The following FNBP4 variants were observed in gnomAD, a reference collection of about 807,000 sequenced individuals.
FNBP4 encodes the protein formin binding protein 4, also known as formin-binding protein 4.
FNBP4 carries 34 observed loss-of-function variants against 119.3 expected under a neutral mutation model. The observed-to-expected ratio is 0.28, with a 90% CI of 0.22 to 0.38. The LOEUF is 0.38. FNBP4 is among the 10% of genes least tolerant of loss of function. FNBP4 has a pLI of 1.00. For missense variants in FNBP4, 1,112 were observed against 1,228.9 expected, an observed-to-expected ratio of 0.90 and a Z score of 1.42; for synonymous variants, 462 against 430.6, an observed-to-expected ratio of 1.07 and a Z score of -0.90.
chr11:47,730,005 A>C, intron 12 of FNBP4: 1 of 985,472 alleles, frequency 1.0e-6, no homozygotes, highest in Non-Finnish European at 1.2e-6. Flanking sequence ...CTTTTACCAG[A>C]CAGTATCAAC....
intron 12 of FNBP4, among the ~76,000 whole-genome samples, chr11:47,727,466 G>T (rs2097562449): frequency 6.6e-6 from 1 of 152,042 alleles, no homozygotes; most frequent in Non-Finnish European, 1.5e-5. Flanking sequence ...GGCCAGGCTG[G>T]TCTCAAACTC....
chr11:47,729,732 T>G, intron 12 of FNBP4: 1 of 985,444 alleles, frequency 1.0e-6, no homozygotes, highest in South Asian at 4.7e-5. Flanking sequence ...TTTTGTTTTT[T>G]CTCTTCTTTA....
intron 2 of FNBP4, among the ~76,000 whole-genome samples, chr11:47,759,808 C>G (rs2097629202): frequency 6.6e-6 from 1 of 152,034 alleles, no homozygotes; most frequent in African/African-American, 2.4e-5. Context: ...AGAAAAGGAG[C>G]TGGGCGTGGT....
intron 12 of FNBP4, chr11:47,728,995 G>C (rs1227997270): frequency 5.3e-6 from 1 of 189,638 alleles, no homozygotes; most frequent in African/African-American, 2.4e-5. Context: ...GGGATTACAG[G>C]CAGCTGCCAC....
At chr11:47,731,037 AT>A (rs2097566794) in intron 12 of FNBP4, among the ~76,000 whole-genome samples, 1 of 152,216 alleles carries the variant, frequency 6.6e-6, no homozygotes, top group African/African-American at 2.4e-5. Flanking sequence ...TGCCACATAT[AT>A]TGACAGTTCA....
At chr11:47,725,776 G>A in intron 12 of FNBP4, 1 of 982,726 alleles carries the variant, frequency 1.0e-6, no homozygotes. Flanking sequence ...CAATAGGGAA[G>A]TTTCACAATA....
At chr11:47,761,222 T>C (rs1027078264) in intron 2 of FNBP4, among the ~76,000 whole-genome samples, 22 of 152,222 alleles carry the variant, frequency 1.4e-4, no homozygotes, top group African/African-American at 4.8e-4. Flanking sequence ...ATACAGTGTA[T>C]ATACTGTTAA....
At chr11:47,744,986 A>G (rs1237143051) in intron 7 of FNBP4, among the ~76,000 whole-genome samples, 5 of 152,218 alleles carry the variant, frequency 3.3e-5, no homozygotes, top group African/African-American at 1.2e-4. Context: ...TTTCATTTTA[A>G]TATGGACATT....
intron 11 of FNBP4, 87 bp from the exon 12 acceptor site, chr11:47,731,648 T>C: frequency 6.6e-7 from 1 of 1,514,900 alleles, no homozygotes; most frequent in Admixed American, 2.3e-5. Context: ...GACAGCAGTC[T>C]GCTTTCACAG....
intron 16 of FNBP4, among the ~76,000 whole-genome samples, chr11:47,718,201 C>T (rs1416844834): frequency 1.3e-5 from 2 of 151,684 alleles, no homozygotes; most frequent in East Asian, 3.9e-4. Flanking sequence ...CAACAGGGAC[C>T]CTGGGATCTA....
intron 10 of FNBP4, 24 bp downstream of exon 10, chr11:47,734,000 CA>C (rs79199646): frequency 0.16 from 139,320 of 872,164 alleles, 4 homozygotes; most frequent in Middle Eastern, 0.2. Flanking sequence ...CTGTTTATGC[CA>C]AAAAAAAAAA....
At chr11:47,721,801 C>A (rs1283414704) in intron 15 of FNBP4, among the ~76,000 whole-genome samples, 1 of 150,962 alleles carries the variant, frequency 6.6e-6, no homozygotes, top group East Asian at 1.9e-4. Flanking sequence ...ATATAAATTT[C>A]CTTTAACCTC....
Position 47,723,272 on chromosome 11 carries a change from G to A in FNBP4, c.2509C>T (p.His837Tyr). The A allele has an allele frequency of 1.2e-6, 2 of 1,613,470 alleles. No individual in the cohort carries two copies. The highest frequency in any genetic ancestry group is 8.5e-7 in the Non-Finnish European group (1 of 1,179,498). The change falls in exon 15 of 17, where the codon CAT (histidine) becomes TAT (tyrosine). Residue 837 changes from histidine (H) to tyrosine (Y), a missense_variant. Physicochemically the swap from His to Tyr is moderately conservative, Grantham distance 83. This residue lies in a region of FNBP4 where 826 missense variants were observed against 988.8 expected (regional missense o/e 0.84). Coordinates refer to ENST00000263773, the MANE Select transcript of FNBP4 (RefSeq NM_015308.5). ...GIGNQATGIG[H>Y]QTIPVSLPAA... Reference sequence around the variant, plus strand: ...GGAAGGCTAACTGGTATTGTCTGATGTCCAATTCCTGTTGCCTGGTTTCCA... The same window carrying A: ...GGAAGGCTAACTGGTATTGTCTGATATCCAATTCCTGTTGCCTGGTTTCCA...
intron 16 of FNBP4, among the ~76,000 whole-genome samples, chr11:47,719,619 A>C (rs995436888): frequency 6.9e-6 from 1 of 144,898 alleles, no homozygotes; most frequent in Non-Finnish European, 1.5e-5. Context: ...TGTGTGTATA[A>C]AAGGGTCCAC....
At chr11:47,725,736 C>T in intron 12 of FNBP4, 1 of 951,742 alleles carries the variant, frequency 1.1e-6, no homozygotes, top group Non-Finnish European at 1.3e-6. Flanking sequence ...GATATACTTA[C>T]TTGTAGCCTT....
chr11:47,722,060 A>G (rs2097556352), intron 15 of FNBP4, among the ~76,000 whole-genome samples: 1 of 104,300 alleles, frequency 9.6e-6, no homozygotes, highest in Non-Finnish European at 1.9e-5. Context: ...AAAAGGAAAA[A>G]AAAATATTTC....
In FNBP4 at chr11:47,734,989, C is replaced by CCCCA. The variant is rs375037624; in HGVS notation, c.1582-861_1582-860insTGGG. Among the ~76,000 whole-genome samples, 5 of 119,932 alleles carry CCCCA rather than the reference C, an allele frequency of 4.2e-5. 1 individual carries two copies. Among genetic ancestry groups the CCCCA allele is most frequent in the African/African-American group, 1.4e-4 (4 of 29,452 alleles). 78.7% of individuals were successfully genotyped at this position (119,932 alleles called of 152,430 possible). A position where few individuals can be genotyped will look rare whatever the true frequency, so the allele number is the denominator to read the frequency against. ...TCCATCACCCCAACACCCCCCCCCC[C>CCCCA]AAAAAAAAAGGAAATCTAAAGCACA... On this transcript the variant is annotated intron_variant, in intron 9 of 16. Transcript: ENST00000263773.
rs189896258 is a variant in FNBP4, at chr11:47,754,144, T to C, written c.450+384A>G. On this transcript the variant is annotated intron_variant, in intron 3 of 16. Coordinates refer to ENST00000263773, the MANE Select transcript of FNBP4 (RefSeq NM_015308.5). Reference sequence around the variant, plus strand: ...CAGCTACTTGAACCCAGGAGACAGGTTGCGGTGAGGCGAGATCGTACCGCT... The same window carrying C: ...CAGCTACTTGAACCCAGGAGACAGGCTGCGGTGAGGCGAGATCGTACCGCT... Among the ~76,000 whole-genome samples, 402 of 151,678 alleles carry C rather than the reference T, an allele frequency of 2.7e-3. 2 individuals carry two copies. Among genetic ancestry groups the C allele is most frequent in the Non-Finnish European group, 4.8e-3 (323 of 67,950 alleles).
intron 13 of FNBP4, 143 bp from the exon 14 acceptor site, chr11:47,724,315 T>TA: frequency 6.6e-7 from 1 of 1,516,480 alleles, no homozygotes. Flanking sequence ...CTCCTGGGCT[T>TA]AAGCAATCCT....
Sources: gnomAD v4.1 joint callset for allele counts (sites outside exome capture counted in the v4.1 genomes callset) on GRCh38, gnomAD v4.1.1 for gene constraint, gnomAD v4.1.1 regional missense constraint, MANE v1.5 for transcripts, NCBI Gene and HGNC (gene_info 2026-07-23, HGNC 2026-07-21) for gene names.